Variants in STARD13 observed in about 807,000 individuals in gnomAD.
The protein encoded by STARD13 is stAR-related lipid transfer protein 13.
Under a neutral mutation model 106.4 loss-of-function variants are expected in STARD13, and 62 were observed. The ratio of observed to expected loss-of-function variants is 0.58; its 90% CI spans 0.48 to 0.72. The LOEUF is 0.72. Ranked by LOEUF, STARD13 falls within the 30% of genes least tolerant of loss-of-function variation. The pLI is 0.00. For synonymous variants in STARD13, 565 were observed against 553.0 expected, an observed-to-expected ratio of 1.02 and a Z score of -0.31; for missense variants, 1,387 against 1,424.0, an observed-to-expected ratio of 0.97 and a Z score of 0.42.
chr13:33,163,288 C>T (rs529343778), intron 3 of STARD13, among the ~76,000 whole-genome samples: 2 of 151,900 alleles, frequency 1.3e-5, no homozygotes, highest in Admixed American at 1.3e-4. Context: ...CAAACCATAT[C>T]AATAATGTTA....
At chr13:33,649,321 G>A in the STARD13 span, among the ~76,000 whole-genome samples, 1 of 152,000 alleles carries the variant, frequency 6.6e-6, no homozygotes, top group Admixed American at 6.6e-5. Flanking sequence ...ACTTTTCTTG[G>A]CTTTCCGTTT....
At chr13:33,450,952 G>A in the STARD13 span, among the ~76,000 whole-genome samples, 1 of 152,152 alleles carries the variant, frequency 6.6e-6, no homozygotes, top group Admixed American at 6.5e-5. Context: ...GTGCAATCAT[G>A]TCTCACTGCA....
intron 1 of STARD13, among the ~76,000 whole-genome samples, chr13:33,322,852 CA>C (rs1471100247): frequency 1.3e-5 from 2 of 152,182 alleles, no homozygotes; most frequent in Non-Finnish European, 2.9e-5. Flanking sequence ...GAAAGATACA[CA>C]ACCTAAACAA....
intron 1 of STARD13, among the ~76,000 whole-genome samples, chr13:33,181,853 G>C (rs1283600104): frequency 1.3e-5 from 2 of 152,178 alleles, no homozygotes; most frequent in African/African-American, 4.8e-5. Flanking sequence ...ATCTTTAGGA[G>C]TTCCAAGTGC....
intron 1 of STARD13, among the ~76,000 whole-genome samples, chr13:33,182,885 G>C (rs553987999): frequency 1.3e-5 from 2 of 152,280 alleles, no homozygotes; most frequent in African/African-American, 2.4e-5. Context: ...CCATCACCAC[G>C]GCCCACAGTG....
chr13:33,460,501 A>G, the STARD13 span, among the ~76,000 whole-genome samples: 3 of 152,126 alleles, frequency 2.0e-5, no homozygotes, highest in East Asian at 3.9e-4. Context: ...AAAAAAAAAA[A>G]AAAGAAAGAT....
Position 33,126,080 on chromosome 13 carries a change from C to T in STARD13, c.2082+1G>A. 6.2e-7 allele frequency: 1 copy of T among 1,613,684 alleles called. No homozygotes were observed. The highest frequency in any genetic ancestry group is 8.5e-7 in the Non-Finnish European group (1 of 1,179,910). On this transcript the variant is annotated splice_donor_variant, in intron 7 of 13. Transcript: ENST00000336934. LOFTEE classifies it high-confidence loss of function. The stretch of plus-strand genomic sequence containing the variant: ...CAGCAGCGGGGGGGTTACAGCCCTA[C>T]CTGATCGAGGCAGTTGCTGCGTAGA...
At chr13:33,507,705 T>A in the STARD13 span, among the ~76,000 whole-genome samples, 2 of 152,244 alleles carry the variant, frequency 1.3e-5, no homozygotes, top group Admixed American at 1.3e-4. Context: ...GTTGACTGCA[T>A]TCCTTACTAA....
At chr13:33,212,770 G>C (rs1344427383) in intron 1 of STARD13, among the ~76,000 whole-genome samples, 4 of 152,110 alleles carry the variant, frequency 2.6e-5, no homozygotes, top group African/African-American at 4.8e-5. Flanking sequence ...ACCCTTTCCA[G>C]AATTTTACAT....
chr13:33,176,267 T>G (rs1272684695), intron 1 of STARD13, among the ~76,000 whole-genome samples: 1 of 152,236 alleles, frequency 6.6e-6, no homozygotes, highest in Non-Finnish European at 1.5e-5. Context: ...ATGTATTTTC[T>G]TAAAAAATTC....
At chr13:33,236,170 C>G (rs1224991028) in intron 1 of STARD13, among the ~76,000 whole-genome samples, 1 of 152,226 alleles carries the variant, frequency 6.6e-6, no homozygotes, top group South Asian at 2.1e-4. Context: ...GATTGAATCA[C>G]TCTATTATTG....
chr13:33,545,670 A>G, the STARD13 span, among the ~76,000 whole-genome samples: 396 of 152,260 alleles, frequency 2.6e-3, 1 homozygote, highest in African/African-American at 9.4e-3. Context: ...TCCTAGTGAT[A>G]ATGAGTGAGT....
chr13:33,409,973 G>A, the STARD13 span, among the ~76,000 whole-genome samples: 5 of 152,106 alleles, frequency 3.3e-5, no homozygotes, highest in African/African-American at 1.2e-4. Flanking sequence ...TCCTGTCTTT[G>A]TTCTTTAGCA....
At chr13:33,534,904 G>A in the STARD13 span, among the ~76,000 whole-genome samples, 2 of 152,156 alleles carry the variant, frequency 1.3e-5, no homozygotes, top group Admixed American at 6.5e-5. Context: ...AAGATGTTAT[G>A]TCCAAATTCT....
At chr13:33,124,769 T>G (rs1212914421) in intron 7 of STARD13, among the ~76,000 whole-genome samples, 1 of 152,228 alleles carries the variant, frequency 6.6e-6, no homozygotes, top group Non-Finnish European at 1.5e-5. Flanking sequence ...CTGACTCTAT[T>G]GGGATGTGAT....
At chr13:33,585,386 C>T in the STARD13 span, among the ~76,000 whole-genome samples, 2 of 152,014 alleles carry the variant, frequency 1.3e-5, no homozygotes, top group South Asian at 4.1e-4. Context: ...TGTCTATTGA[C>T]AAATGAATGA....
chr13:33,636,459 T>C, the STARD13 span, among the ~76,000 whole-genome samples: 1 of 152,078 alleles, frequency 6.6e-6, no homozygotes, highest in Non-Finnish European at 1.5e-5. Context: ...GGAGTGTGAA[T>C]GCGATGGGAC....
At chr13:33,124,474 T>A (rs1347567865) in intron 7 of STARD13, among the ~76,000 whole-genome samples, 3 of 152,240 alleles carry the variant, frequency 2.0e-5, no homozygotes, top group Non-Finnish European at 4.4e-5. Flanking sequence ...ACACTGTTTT[T>A]CATCTTGGCA....
chr13:33,212,792 T>C (rs1008465540), intron 1 of STARD13, among the ~76,000 whole-genome samples: 1 of 152,244 alleles, frequency 6.6e-6, no homozygotes, highest in African/African-American at 2.4e-5. Context: ...CCTAAACAGG[T>C]ATGACAATCT....
Sources: allele counts gnomAD v4.1 joint callset (sites outside exome capture counted in the v4.1 genomes callset), GRCh38; gene constraint gnomAD v4.1.1; transcripts MANE v1.5; gene names NCBI Gene and HGNC (gene_info 2026-07-23, HGNC 2026-07-21).